Variants in CCDC66 observed in about 807,000 individuals in gnomAD.
CCDC66 encodes coiled-coil domain-containing protein 66.
Under a neutral mutation model 128.3 loss-of-function variants are expected in CCDC66, and 133 were observed. The ratio of observed to expected loss-of-function variants is 1.04; its 90% CI spans 0.90 to 1.20. The LOEUF (loss-of-function observed/expected upper bound fraction) is 1.20, where lower values mean the gene tolerates loss of function less well. Ranked by LOEUF, CCDC66 falls within the 50% of genes most tolerant of loss-of-function variation. The pLI, the probability that CCDC66 is intolerant of heterozygous loss-of-function variation, is 0.00. For synonymous variants in CCDC66, 387 were observed against 357.0 expected, an observed-to-expected ratio of 1.08 and a Z score of -0.95; for missense variants, 1,126 against 1,075.5, an observed-to-expected ratio of 1.05 and a Z score of -0.66.
At chr3:56,610,354 A>G (rs571990609) in intron 10 of CCDC66, among the ~76,000 whole-genome samples, 65 of 152,000 alleles carry the variant, frequency 4.3e-4, no homozygotes, top group Middle Eastern at 3.4e-3. Flanking sequence ...TCCTTGTTCA[A>G]TTCTGTTGCT....
At position 56,617,476 on chromosome 3, in the gene CCDC66, G is replaced by A; in HGVS notation, c.2208G>A (p.Met736Ile). ...QREEKKVRRQMELLHLVEKNN... is the reference protein window; with the variant it reads ...QREEKKVRRQIELLHLVEKNN... ...AAGAAAAAAAAGTAAGGAGGCAGAT[G>A]GAATTGCTTCATTTGGTAGAAAAAA... Residue 736 changes from methionine to isoleucine, a missense_variant, in exon 14 of 18, where the codon ATG (methionine) becomes ATA (isoleucine). Transcript: ENST00000394672. 6.2e-7 allele frequency: 1 copy of A among 1,614,034 alleles called. No individual in the cohort carries two copies. Among genetic ancestry groups the A allele is most frequent in the Non-Finnish European group, 8.5e-7 (1 of 1,179,974 alleles).
intron 7 of CCDC66, among the ~76,000 whole-genome samples, chr3:56,580,204 C>G (rs1391766626): frequency 3.3e-5 from 5 of 151,758 alleles, no homozygotes; most frequent in Admixed American, 1.3e-4. Context: ...GGTTTAAAGT[C>G]TGTTTTATCA....
At chr3:56,582,554 C>A (rs905664600) in intron 7 of CCDC66, among the ~76,000 whole-genome samples, 3 of 151,152 alleles carry the variant, frequency 2.0e-5, no homozygotes, top group African/African-American at 7.3e-5. Context: ...TTTAAATACC[C>A]TTTAAGAATT....
chr3:56,582,848 C>A (rs9883641), intron 7 of CCDC66, among the ~76,000 whole-genome samples: 5,534 of 132,374 alleles, frequency 0.042, 180 homozygotes, highest in South Asian at 0.13. Flanking sequence ...TCTCAACTTT[C>A]TTTATTATTA....
At chr3:56,615,040 G>T in intron 11 of CCDC66, 88 bp from the exon 12 acceptor site, 2 of 1,380,296 alleles carry the variant, frequency 1.4e-6, no homozygotes, top group East Asian at 2.4e-5. Flanking sequence ...TGATACATAG[G>T]AGAAGCTTAG....
In CCDC66 at chr3:56,613,726, C is replaced by T. The variant is rs1184135388; in HGVS notation, c.1542C>T (p.Asp514=). 1 of 1,607,446 alleles carries T rather than the reference C, an allele frequency of 6.2e-7. No homozygotes were observed. The highest frequency in any genetic ancestry group is 1.3e-5 in the African/African-American group (1 of 74,418). ...REEMQKQYEE[D]ILKQKQKEEI... ...AGATGCAGAAACAGTATGAAGAAGA[C>T]ATACTTAAGCAAAAACAAAAGGAAG... The change falls in exon 11 of 18, where the codon GAC becomes GAT. Residue 514 remains aspartate (D), a synonymous_variant. Transcript: ENST00000394672.
At chr3:56,574,898 T>C (rs1577376207) in intron 7 of CCDC66, among the ~76,000 whole-genome samples, 2 of 151,818 alleles carry the variant, frequency 1.3e-5, no homozygotes, top group East Asian at 3.9e-4. Flanking sequence ...CTAAATAACA[T>C]CCTATTGTAT....
intron 7 of CCDC66, among the ~76,000 whole-genome samples, chr3:56,585,823 C>A (rs1577567945): frequency 2.0e-5 from 3 of 151,780 alleles, no homozygotes; most frequent in South Asian, 2.1e-4. Context: ...CCAAATATTT[C>A]TTTTAATACA....
chr3:56,619,767 C>G lies in CCDC66; in HGVS notation c.2636-10C>G. 2.5e-6 allele frequency: 4 copies of G among 1,612,690 alleles called. No homozygotes were observed. The highest frequency in any genetic ancestry group is 3.4e-6 in the Non-Finnish European group (4 of 1,179,440). ...TAATTGACTGACTTGTTACTTTCAT[C>G]TGGCTTTAGACTGTGGCCAAAAACG... On this transcript the variant is annotated splice_polypyrimidine_tract_variant and intron_variant, in intron 16 of 17. Coordinates refer to ENST00000394672, the MANE Select transcript of CCDC66 (RefSeq NM_001141947.3).
chr3:56,561,067 TCTATCATATAGTTATATA>T (rs2065031926), intron 3 of CCDC66: 1 of 422,278 alleles, frequency 2.4e-6, no homozygotes, highest in African/African-American at 2.1e-5. Flanking sequence ...TTTCTCTTTC[TCTATCATATAGTTATATA>T]CCATGTATGC....
In CCDC66 at chr3:56,616,927, T is replaced by C. The variant is rs566299508; in HGVS notation, c.1844-185T>C. 224 of 450,768 alleles carry C rather than the reference T, an allele frequency of 5.0e-4. No individual in the cohort carries two copies. In the East Asian group the frequency reaches 7.5e-3, roughly 15 times the overall value. The allele number at this position is 450,768 out of a possible 1,614,324, so 27.9% of individuals were successfully genotyped here. A position where few individuals can be genotyped will look rare whatever the true frequency, so the allele number is the denominator to read the frequency against. Reference sequence around the variant, plus strand: ...CAGTTCATAGAAATGGAAATTAGAGTGGTGGCTGCCAGTGGTTGGGAGTAT... The same window carrying C: ...CAGTTCATAGAAATGGAAATTAGAGCGGTGGCTGCCAGTGGTTGGGAGTAT... On this transcript the variant is annotated intron_variant, in intron 13 of 17. Transcript: ENST00000394672.
At chr3:56,569,226 A>G in intron 6 of CCDC66, 1 of 174,088 alleles carries the variant, frequency 5.7e-6, no homozygotes, top group South Asian at 1.1e-4. Flanking sequence ...TTGATGCTGG[A>G]AGTCAAGTGT....
chr3:56,604,934 A>G (rs1043038016), intron 10 of CCDC66, among the ~76,000 whole-genome samples: 2 of 151,766 alleles, frequency 1.3e-5, no homozygotes, highest in Non-Finnish European at 1.5e-5. Context: ...GTCTTTTCAC[A>G]TACTCCCACA....
At chr3:56,600,384 T>C (rs2072948702) in intron 10 of CCDC66, among the ~76,000 whole-genome samples, 1 of 151,900 alleles carries the variant, frequency 6.6e-6, no homozygotes, top group Non-Finnish European at 1.5e-5. Context: ...CCTGACCCCA[T>C]GATCGGGCTA....
chr3:56,621,010 GTTAGTT>G (rs2076452226), intron 17 of CCDC66: 1 of 151,548 alleles, frequency 6.6e-6, no homozygotes, highest in African/African-American at 2.4e-5. Context: ...AAGTTAGTTA[GTTAGTT>G]AGCCAGGCGT....
intron 10 of CCDC66, among the ~76,000 whole-genome samples, chr3:56,611,010 G>T (rs905968943): frequency 1.3e-5 from 2 of 152,176 alleles, no homozygotes; most frequent in Non-Finnish European, 2.9e-5. Context: ...CCTTAGCTTT[G>T]ATGGTTTAAT....
In CCDC66 at chr3:56,563,959, T is replaced by A. The variant is rs1462604998; in HGVS notation, c.378T>A (p.Asn126Lys). The A allele has an allele frequency of 6.2e-7, 1 of 1,613,898 alleles. No homozygotes were observed. The highest frequency in any genetic ancestry group is 8.5e-7 in the Non-Finnish European group (1 of 1,179,904). ...PNMQKTRNTV[N>K]TSLVGKQKPH... ...TGCAGAAGACTAGAAACACCGTAAA[T>A]ACATCTCTAGTAGGTAAACAGAAGC... Residue 126 changes from asparagine to lysine, a missense_variant, in exon 4 of 18, where the codon AAT (asparagine) becomes AAA (lysine). Asn to Lys is a moderately conservative substitution (Grantham distance 94, BLOSUM62 0). Transcript: ENST00000394672.
chr3:56,578,408 C>G (rs1377921099), intron 7 of CCDC66, among the ~76,000 whole-genome samples: 1 of 151,766 alleles, frequency 6.6e-6, no homozygotes, highest in Non-Finnish European at 1.5e-5. Context: ...ATTTCTTCCT[C>G]ATACCTGATT....
chr3:56,604,452 C>G (rs1020844262), intron 10 of CCDC66, among the ~76,000 whole-genome samples: 11 of 151,938 alleles, frequency 7.2e-5, no homozygotes, highest in Non-Finnish European at 1.0e-4. Context: ...TCCTTCAGGA[C>G]CTCTTGTAAG....
Sources: allele counts gnomAD v4.1 joint callset (sites outside exome capture counted in the v4.1 genomes callset), GRCh38; gene constraint gnomAD v4.1.1; transcripts MANE v1.5; gene names NCBI Gene and HGNC (gene_info 2026-07-23, HGNC 2026-07-21).